Variants in GLP2R observed in about 807,000 individuals in gnomAD.
GLP2R encodes glucagon like peptide 2 receptor.
A neutral mutation model predicts 68.2 loss-of-function variants in GLP2R; 59 were observed. The observed-to-expected ratio is 0.87, with a 90% CI of 0.70 to 1.07. GLP2R has a LOEUF of 1.07. Ranked by LOEUF, GLP2R falls within the 50% of genes least tolerant of loss-of-function variation. The probability of loss-of-function intolerance (pLI) is 0.00; values close to 1 mark genes in which losing one functional copy is unlikely to be tolerated. For missense variants in GLP2R, 548 were observed against 677.4 expected (o/e 0.81, Z 2.12); for synonymous variants, 270 against 265.4 (o/e 1.02, Z -0.17).
At chr17:9,835,594 C>T (rs980664797) in intron 2 of GLP2R, among the ~76,000 whole-genome samples, 5 of 152,102 alleles carry the variant, frequency 3.3e-5, no homozygotes, top group African/African-American at 4.8e-5. Flanking sequence ...CTTGATCCTC[C>T]GTATTCCGCT....
chr17:9,840,815 A>G (rs1157784273), intron 3 of GLP2R, among the ~76,000 whole-genome samples: 1 of 152,196 alleles, frequency 6.6e-6, no homozygotes, highest in East Asian at 1.9e-4. Context: ...ACAGCAGGTC[A>G]ATGGCGCTCT....
intron 10 of GLP2R, among the ~76,000 whole-genome samples, chr17:9,877,543 G>A (rs1361138489): frequency 2.0e-5 from 3 of 152,146 alleles, no homozygotes; most frequent in African/African-American, 4.8e-5. Context: ...GTAATATACC[G>A]TGTTGGTTTC....
At chr17:9,846,088 A>G (rs9897156) in intron 4 of GLP2R, among the ~76,000 whole-genome samples, 13,766 of 152,216 alleles carry the variant, frequency 0.09, 674 homozygotes, top group Middle Eastern at 0.17. Context: ...TTGAGTCTTA[A>G]ATTTTCCTAA....
At chr17:9,843,491 T>C (rs1240906393) in intron 4 of GLP2R, among the ~76,000 whole-genome samples, 1 of 152,252 alleles carries the variant, frequency 6.6e-6, no homozygotes, top group Non-Finnish European at 1.5e-5. Context: ...GCATGGTCTA[T>C]GCAGGCACTC....
chr17:9,832,888 A>T (rs1158102666), intron 1 of GLP2R, among the ~76,000 whole-genome samples: 1 of 152,106 alleles, frequency 6.6e-6, no homozygotes, highest in Non-Finnish European at 1.5e-5. Flanking sequence ...GAAAGGAAAA[A>T]ACTCCCAACT....
chr17:9,836,609 A>C lies in GLP2R; in HGVS notation c.382+134A>C, dbSNP rs904635564. 8 of 587,788 alleles carry C rather than the reference A, an allele frequency of 1.4e-5. No homozygotes were observed. In the Admixed American group the frequency reaches 2.6e-4, roughly 19 times the overall value. The allele number at this position is 587,788 out of a possible 1,614,324, so 36.4% of individuals were successfully genotyped here. On this transcript the variant is annotated intron_variant, in intron 3 of 12. Coordinates refer to ENST00000262441, the MANE Select transcript of GLP2R (RefSeq NM_004246.3). Reference sequence around the variant, plus strand: ...TAATTTTTCTATTCCTGGATGTTCCATTTATTTTTATGTATGTATGTATAT... The same window carrying C: ...TAATTTTTCTATTCCTGGATGTTCCCTTTATTTTTATGTATGTATGTATAT...
Position 9,889,846 on chromosome 17 carries a change from C to G in GLP2R, c.*141C>G. 1.6e-6 allele frequency: 1 copy of G among 627,086 alleles called. No homozygotes were observed. The highest frequency in any genetic ancestry group is 2.8e-6 in the Non-Finnish European group (1 of 356,400). 38.8% of individuals were successfully genotyped at this position (627,086 alleles called of 1,614,324 possible). ...TGCCACTTTGATATGAAAGCTATCA[C>G]AAGGTTCTTCAAGCTCTGTATGAAA... On this transcript the variant is annotated 3_prime_UTR_variant, in exon 13 of 13. Coordinates refer to ENST00000262441, the MANE Select transcript of GLP2R (RefSeq NM_004246.3).
chr17:9,861,095 G>T, intron 7 of GLP2R, 44 bp from the exon 8 acceptor site: 1 of 1,497,042 alleles, frequency 6.7e-7, no homozygotes, highest in Non-Finnish European at 9.3e-7. Flanking sequence ...AAGCAGGTTT[G>T]GCCAACCAAC....
intron 10 of GLP2R, among the ~76,000 whole-genome samples, chr17:9,872,357 A>G (rs2067102911): frequency 6.6e-6 from 1 of 152,156 alleles, no homozygotes; most frequent in Non-Finnish European, 1.5e-5. Context: ...TGGGCATATC[A>G]CCTGAGGTCA....
intron 6 of GLP2R, among the ~76,000 whole-genome samples, chr17:9,858,101 T>C (rs1301800461): frequency 6.6e-6 from 1 of 152,204 alleles, no homozygotes; most frequent in Non-Finnish European, 1.5e-5. Context: ...AGGATGTGCA[T>C]AGGTTATAGG....
chr17:9,849,017 ATAATT>A (rs1444983749), intron 4 of GLP2R, among the ~76,000 whole-genome samples: 1 of 125,262 alleles, frequency 8.0e-6, no homozygotes, highest in African/African-American at 3.6e-5. Flanking sequence ...TCTTAAATAC[ATAATT>A]TAATTAATAC....
intron 4 of GLP2R, among the ~76,000 whole-genome samples, chr17:9,850,996 A>AT (rs905347899): frequency 1.5e-4 from 22 of 150,862 alleles, no homozygotes; most frequent in African/African-American, 2.7e-4. Context: ...TGCCCAGCTG[A>AT]TTTTTTTTTC....
chr17:9,873,744 T>C (rs1473059713), intron 10 of GLP2R, among the ~76,000 whole-genome samples: 3 of 151,968 alleles, frequency 2.0e-5, no homozygotes, highest in African/African-American at 7.3e-5. Context: ...GGGCCAGATG[T>C]TCTATTGAAA....
At position 9,890,422 on chromosome 17, in the gene GLP2R, T is replaced by C; in HGVS notation, c.*717T>C. On this transcript the variant is annotated 3_prime_UTR_variant, in exon 13 of 13. Coordinates refer to ENST00000262441, the MANE Select transcript of GLP2R (RefSeq NM_004246.3). ...TTCCTCTCCTATCAAGTCTTGCCTC[T>C]CTCTCTCTTTGCCTCAGTTCTCTGT... 1 of 197,418 alleles carries C rather than the reference T, an allele frequency of 5.1e-6. No homozygotes were observed. Among genetic ancestry groups the C allele is most frequent in the Non-Finnish European group, 1.0e-5 (1 of 96,594 alleles). The allele number at this position is 197,418 out of a possible 1,614,324, so 12.2% of individuals were successfully genotyped here. A position where few individuals can be genotyped will look rare whatever the true frequency, so the allele number is the denominator to read the frequency against.
chr17:9,856,658 C>T (rs1328948263), intron 5 of GLP2R, among the ~76,000 whole-genome samples: 3 of 152,168 alleles, frequency 2.0e-5, no homozygotes, highest in South Asian at 2.1e-4. Context: ...GGTAAGTGCT[C>T]TTGTTCTCAG....
rs893986592 is a variant in GLP2R at position 9,826,235 on chromosome 17, C to T, written c.172C>T (p.Leu58=). Residue 58 remains leucine (L), a synonymous_variant, in exon 1 of 13, where the codon CTG becomes TTG. Coordinates refer to ENST00000262441, the MANE Select transcript of GLP2R (RefSeq NM_004246.3). ...PGRPFLTLVL[L]VSIKQVTGSL... ...GAGGCCCTTCCTCACTCTGGTCCTG[C>T]TGGTTTCCATCAAGCAAGTAAGAGC... is the stretch of plus-strand genomic sequence containing the variant. The T allele has an allele frequency of 2.5e-6, 4 of 1,597,924 alleles. No individual in the cohort carries two copies. In the South Asian group the frequency reaches 3.4e-5, roughly 13 times the overall value.
Position 9,826,008 on chromosome 17 carries a change from G to T in GLP2R, c.-56G>T. ...GGAATGCAAGAGGAGGCTGCCTGCG[G>T]TGCATCTTGGACGGCTAGAGAGATG... On this transcript the variant is annotated 5_prime_UTR_variant, in exon 1 of 13. Coordinates refer to ENST00000262441, the MANE Select transcript of GLP2R (RefSeq NM_004246.3). 1.1e-5 allele frequency: 15 copies of T among 1,427,172 alleles called. No homozygotes were observed. The highest frequency in any genetic ancestry group is 1.4e-5 in the Non-Finnish European group (15 of 1,038,998). 88.4% of individuals were successfully genotyped at this position (1,427,172 alleles called of 1,614,324 possible).
intron 9 of GLP2R, among the ~76,000 whole-genome samples, chr17:9,868,657 C>T (rs1413434015): frequency 6.6e-6 from 1 of 152,100 alleles, no homozygotes; most frequent in Non-Finnish European, 1.5e-5. Flanking sequence ...CTTCATGGTA[C>T]CCCCAGCTAG....
In GLP2R at chr17:9,889,566, G is replaced by A. The variant is rs200670393; in HGVS notation, c.1523G>A (p.Arg508Gln). ...GGGCGGCTCCTACATCTAGCCATGC[G>A]AGGTCTTGGGGAGCTGGGCGCCCAG... is the stretch of plus-strand genomic sequence containing the variant. ...NSGRLLHLAM[R>Q]GLGELGAQPQ... The change falls in exon 13 of 13, where the codon CGA (arginine) becomes CAA (glutamine). Residue 508 changes from arginine (R) to glutamine (Q), a missense_variant. Coordinates refer to ENST00000262441, the MANE Select transcript of GLP2R (RefSeq NM_004246.3). 1.1e-5 allele frequency: 18 copies of A among 1,614,144 alleles called. No individual in the cohort carries two copies. Among genetic ancestry groups the A allele is most frequent in the Admixed American group, 1.7e-5 (1 of 60,032 alleles).
Sources: gnomAD v4.1 joint callset for allele counts (sites outside exome capture counted in the v4.1 genomes callset) on GRCh38, gnomAD v4.1.1 for gene constraint, MANE v1.5 for transcripts, NCBI Gene and HGNC (gene_info 2026-07-23, HGNC 2026-07-21) for gene names.